The following SCHIP1 variants were observed in gnomAD, a reference collection of about 807,000 sequenced individuals.
SCHIP1 encodes the protein schwannomin-interacting protein 1.
Under a neutral mutation model 29.7 loss-of-function variants are expected in SCHIP1, and 8 were observed. The observed-to-expected ratio is 0.27, with a 90% CI of 0.16 to 0.49. The LOEUF (loss-of-function observed/expected upper bound fraction) is 0.49. Ranked by LOEUF, SCHIP1 falls within the 20% of genes least tolerant of loss-of-function variation. The probability of loss-of-function intolerance (pLI) is 0.99; values close to 1 mark genes in which losing one functional copy is unlikely to be tolerated. For synonymous variants in SCHIP1, 76 were observed against 94.9 expected, an observed-to-expected ratio of 0.80 and a Z score of 1.16; for missense variants, 193 against 294.6, an observed-to-expected ratio of 0.66 and a Z score of 2.52.
At chr3:159,628,659 G>A in the SCHIP1 span, among the ~76,000 whole-genome samples, 1 of 152,122 alleles carries the variant, frequency 6.6e-6, no homozygotes, top group Admixed American at 6.6e-5. Context: ...AGGTATACCT[G>A]TTTATTTAAA....
the SCHIP1 span, among the ~76,000 whole-genome samples, chr3:159,427,489 G>T: frequency 6.6e-6 from 1 of 151,990 alleles, no homozygotes; most frequent in Non-Finnish European, 1.5e-5. Context: ...CAACTTACAA[G>T]GGATGTGAAG....
chr3:159,747,708 A>G, the SCHIP1 span, among the ~76,000 whole-genome samples: 1 of 152,208 alleles, frequency 6.6e-6, no homozygotes, highest in Non-Finnish European at 1.5e-5. Flanking sequence ...GACCACTAAC[A>G]GGGCAAGACT....
chr3:159,622,127 T>C, the SCHIP1 span, among the ~76,000 whole-genome samples: 1 of 152,338 alleles, frequency 6.6e-6, no homozygotes, highest in East Asian at 1.9e-4. Context: ...AGCTCTGTTT[T>C]CAGTCAGGCT....
chr3:159,710,927 C>T, the SCHIP1 span, among the ~76,000 whole-genome samples: 2 of 152,138 alleles, frequency 1.3e-5, no homozygotes, highest in South Asian at 4.1e-4. Flanking sequence ...TCTGGCCCTA[C>T]CTTTCTAACA....
At chr3:159,516,090 T>C in the SCHIP1 span, among the ~76,000 whole-genome samples, 391 of 152,242 alleles carry the variant, frequency 2.6e-3, 2 homozygotes, top group Non-Finnish European at 1.7e-3. Flanking sequence ...TCCTTCTTCC[T>C]GGATCTTAAA....
the SCHIP1 span, among the ~76,000 whole-genome samples, chr3:159,481,774 T>C: frequency 2.6e-5 from 4 of 152,188 alleles, no homozygotes; most frequent in Non-Finnish European, 4.4e-5. Flanking sequence ...GAGAAAATGG[T>C]AATTACTATA....
At chr3:159,353,099 A>G in the SCHIP1 span, among the ~76,000 whole-genome samples, 5 of 152,082 alleles carry the variant, frequency 3.3e-5, no homozygotes, top group African/African-American at 4.8e-5. Context: ...CTTCCAGTCC[A>G]GTTGTTAGGG....
At chr3:159,862,020 G>C (rs1199072113) in intron 1 of SCHIP1, among the ~76,000 whole-genome samples, 1 of 152,202 alleles carries the variant, frequency 6.6e-6, no homozygotes, top group Non-Finnish European at 1.5e-5. Context: ...AGAAAATTGG[G>C]TTCTCATTGT....
chr3:159,534,043 G>A, the SCHIP1 span, among the ~76,000 whole-genome samples: 1 of 152,282 alleles, frequency 6.6e-6, no homozygotes, highest in South Asian at 2.1e-4. Context: ...GCAGATCACA[G>A]TCAATTGCAA....
chr3:159,826,890 G>A, the SCHIP1 span, among the ~76,000 whole-genome samples: 70 of 152,342 alleles, frequency 4.6e-4, no homozygotes, highest in African/African-American at 1.7e-3. Context: ...TTAATGTGCA[G>A]ATTGATTTTA....
chr3:159,665,471 T>C, the SCHIP1 span, among the ~76,000 whole-genome samples: 1 of 152,166 alleles, frequency 6.6e-6, no homozygotes, highest in Non-Finnish European at 1.5e-5. Context: ...GACGAGCCCC[T>C]GTTCCCATTT....
chr3:159,409,574 C>T, the SCHIP1 span, among the ~76,000 whole-genome samples: 1 of 151,508 alleles, frequency 6.6e-6, no homozygotes, highest in Non-Finnish European at 1.5e-5. Flanking sequence ...ATGAACTTAA[C>T]CAAAAAAGTA....
At chr3:159,793,543 G>A in the SCHIP1 span, among the ~76,000 whole-genome samples, 2 of 152,122 alleles carry the variant, frequency 1.3e-5, no homozygotes, top group Non-Finnish European at 2.9e-5. Flanking sequence ...CAGGTTGTTG[G>A]CAAGGCTGAT....
the SCHIP1 span, among the ~76,000 whole-genome samples, chr3:159,278,438 C>G: frequency 2.0e-5 from 3 of 152,200 alleles, no homozygotes; most frequent in South Asian, 4.2e-4. Flanking sequence ...TTTTCATTAT[C>G]TCTAGCATAG....
the SCHIP1 span, among the ~76,000 whole-genome samples, chr3:159,466,979 A>G: frequency 6.6e-6 from 1 of 152,030 alleles, no homozygotes; most frequent in Non-Finnish European, 1.5e-5. Flanking sequence ...TAAATAAACA[A>G]CATTAAAAAT....
At chr3:159,646,175 T>G in the SCHIP1 span, among the ~76,000 whole-genome samples, 2 of 152,134 alleles carry the variant, frequency 1.3e-5, no homozygotes, top group Admixed American at 1.3e-4. Flanking sequence ...TGGGGGAAGA[T>G]GCATCTCACC....
At chr3:159,734,299 T>C in the SCHIP1 span, among the ~76,000 whole-genome samples, 2 of 151,700 alleles carry the variant, frequency 1.3e-5, no homozygotes, top group Admixed American at 6.6e-5. Context: ...CGTGCCACCA[T>C]GCCCAGCTAA....
At chr3:159,394,527 G>A in the SCHIP1 span, among the ~76,000 whole-genome samples, 9 of 152,238 alleles carry the variant, frequency 5.9e-5, no homozygotes, top group South Asian at 2.1e-4. Context: ...AGCATGAAGG[G>A]TTGTTGAATT....
the SCHIP1 span, among the ~76,000 whole-genome samples, chr3:159,315,540 A>G: frequency 2.0e-5 from 3 of 151,388 alleles, no homozygotes; most frequent in Non-Finnish European, 4.4e-5. Flanking sequence ...TCACATTGTG[A>G]CTAATGATTT....
Sources: allele counts gnomAD v4.1 joint callset (sites outside exome capture counted in the v4.1 genomes callset), GRCh38; gene constraint gnomAD v4.1.1; transcripts MANE v1.5; gene names NCBI Gene and HGNC (gene_info 2026-07-23, HGNC 2026-07-21).